CD101: variants seen among roughly 807,000 people sequenced by gnomAD.
CD101 encodes the protein CD101 molecule, also known as immunoglobulin superfamily member 2.
CD101 carries 76 observed loss-of-function variants against 98.2 expected under a neutral mutation model. The ratio of observed to expected loss-of-function variants is 0.77; its 90% CI spans 0.64 to 0.94. CD101 has a LOEUF of 0.94. CD101 is among the 40% of genes least tolerant of loss of function. CD101 has a pLI of 0.00. For synonymous variants in CD101, 471 were observed against 472.7 expected (o/e 1.00, Z 0.05); for missense variants, 1,145 against 1,218.8 (o/e 0.94, Z 0.90).
chr1:117,029,149 AAG>A (rs1654166396), intron 8 of CD101, among the ~76,000 whole-genome samples: 3 of 99,362 alleles, frequency 3.0e-5, no homozygotes, highest in African/African-American at 8.9e-5. Flanking sequence ...GAAAGAAAGA[AAG>A]AAAGAAAGAA....
chr1:117,013,281 A>T, intron 3 of CD101, 125 bp from the exon 4 acceptor site: 1 of 1,192,264 alleles, frequency 8.4e-7, no homozygotes, highest in Non-Finnish European at 1.2e-6. Context: ...CTACCGCTAT[A>T]GAATTGAACT....
In CD101 at chr1:117,025,751, G is replaced by T. The variant is rs1162423411; in HGVS notation, c.2671G>T (p.Asp891Tyr). ...HLHCYRSSST[D>Y]FVLKLHQVEM... The stretch of plus-strand genomic sequence containing the variant: ...GCACTGTTACCGTTCATCCTCTACA[G>T]ACTTTGTCCTGAAGCTTCATCAGGT... The change falls in exon 8 of 10, where the codon GAC (aspartate) becomes TAC (tyrosine). Residue 891 changes from aspartate (D) to tyrosine (Y), a missense_variant. By Grantham distance (160) the Asp-to-Tyr change is radical. Coordinates refer to ENST00000682167, the MANE Select transcript of CD101 (RefSeq NM_001256106.3). The T allele has an allele frequency of 6.2e-7, 1 of 1,614,200 alleles. No individual in the cohort carries two copies. The highest frequency in any genetic ancestry group is 8.5e-7 in the Non-Finnish European group (1 of 1,180,030).
chr1:117,030,944 A>G (rs533154236), intron 8 of CD101, among the ~76,000 whole-genome samples: 17 of 152,188 alleles, frequency 1.1e-4, no homozygotes, highest in Admixed American at 2.6e-4. Context: ...AAGCCTCATG[A>G]TGAAGTGCTC....
At position 117,033,791 on chromosome 1, in the gene CD101, A is replaced by T; in HGVS notation, c.2825-69A>T. The T allele has an allele frequency of 6.3e-7, 1 of 1,594,278 alleles. No individual in the cohort carries two copies. The highest frequency in any genetic ancestry group is 8.6e-7 in the Non-Finnish European group (1 of 1,167,286). ...CTTGCCTATAACAATAAATCCCAGG[A>T]GTGTTTGTAATTGACTAGTACAAAT... On this transcript the variant is annotated intron_variant, in intron 8 of 9. Coordinates refer to ENST00000682167, the MANE Select transcript of CD101 (RefSeq NM_001256106.3). The surrounding 1 kb of genome is among the most constrained non-coding windows in gnomAD (Gnocchi z 4.8).
At chr1:117,013,820 T>C (rs760622664) in intron 4 of CD101, 28 bp downstream of exon 4, 3 of 1,576,500 alleles carry the variant, frequency 1.9e-6, no homozygotes, top group Non-Finnish European at 2.6e-6. Flanking sequence ...CAGGCATGCA[T>C]TGGGCTGCTT....
rs1377037917 is a variant in CD101 at position 117,005,212 on chromosome 1, A to G, written c.43+3352A>G. On this transcript the variant is annotated intron_variant, in intron 1 of 9. Coordinates refer to ENST00000682167, the MANE Select transcript of CD101 (RefSeq NM_001256106.3). This position sits in a 1 kb window ranked among gnomAD's most constrained non-coding sequence, Gnocchi z 4.4. ...CTCCCTGTCATCCCTCTACTAGGACATTACTTCATTCATCCTCCTTGCTGG... is the reference window on the plus strand; with the variant it reads ...CTCCCTGTCATCCCTCTACTAGGACGTTACTTCATTCATCCTCCTTGCTGG... 6.6e-6 allele frequency among the ~76,000 whole-genome samples: 1 copy of G among 152,040 alleles called. No homozygotes were observed. Among genetic ancestry groups the G allele is most frequent in the Non-Finnish European group, 1.5e-5 (1 of 68,002 alleles).
At chr1:117,011,205 A>C (rs904844612) in intron 2 of CD101, among the ~76,000 whole-genome samples, 33 of 152,168 alleles carry the variant, frequency 2.2e-4, no homozygotes, top group African/African-American at 7.5e-4. Context: ...CGTAGTAGGG[A>C]TGGATTTAGG....
At chr1:117,026,082 A>G (rs1187903475) in intron 8 of CD101, 178 bp downstream of exon 8, 15 of 615,872 alleles carry the variant, frequency 2.4e-5, no homozygotes, top group African/African-American at 9.2e-5. Context: ...ACTCATTTGA[A>G]CAAACAAGGT....
intron 8 of CD101, chr1:117,032,326 C>G (rs1039880963): frequency 6.6e-6 from 1 of 152,160 alleles, no homozygotes; most frequent in Non-Finnish European, 1.5e-5. Context: ...TCATCAGGCT[C>G]CATTGAGACC....
chr1:117,018,251 G>C lies in CD101; in HGVS notation c.1708G>C (p.Asp570His), dbSNP rs766789223. 1.9e-6 allele frequency: 3 copies of C among 1,614,208 alleles called. No homozygotes were observed. The Admixed American group carries it at 5.0e-5, about 27-fold the overall frequency. The change falls in exon 6 of 10, where the codon GAC becomes CAC. Residue 570 changes from aspartate (D) to histidine (H), a missense_variant. Coordinates refer to ENST00000682167, the MANE Select transcript of CD101 (RefSeq NM_001256106.3). This position sits in a 1 kb window ranked among gnomAD's most constrained non-coding sequence, Gnocchi z 4.3. ...LSCVVRAGYS[D>H]LKVPLTVTWQ... ...CTGTGTCGTGAGGGCCGGTTACTCT[G>C]ACCTCAAGGTGCCACTCACTGTGAC...
intron 8 of CD101, among the ~76,000 whole-genome samples, chr1:117,030,482 G>A (rs1273026876): frequency 6.6e-6 from 1 of 151,964 alleles, no homozygotes; most frequent in Non-Finnish European, 1.5e-5. Context: ...GAGAGAGAAA[G>A]AGAAAGAGAG....
At position 117,029,204 on chromosome 1, in the gene CD101, AAAAGAAAGAAAAG is replaced by A. The variant is rs1654209943; in HGVS notation, c.2824+3312_2824+3324del. On this transcript the variant is annotated intron_variant, in intron 8 of 9. Transcript: ENST00000682167. ...GAAAGAAAGAAAGAAAGAAAGAAAG[AAAAGAAAGAAAAG>A]AAAGAAAGAAAGAAAGAAAGAAAGA... Among the ~76,000 whole-genome samples, 16 of 58,868 alleles carry A rather than the reference AAAAGAAAGAAAAG, an allele frequency of 2.7e-4. 1 individual carries two copies. The highest frequency in any genetic ancestry group is 2.5e-3 in the East Asian group (6 of 2,444). 38.6% of individuals were successfully genotyped at this position (58,868 alleles called of 152,430 possible). A position where few individuals can be genotyped will look rare whatever the true frequency, so the allele number is the denominator to read the frequency against.
At position 117,012,573 on chromosome 1, in the gene CD101, T is replaced by C. The variant is rs564261567; in HGVS notation, c.841+607T>C. Among the ~76,000 whole-genome samples, 1 of 152,222 alleles carries C rather than the reference T, an allele frequency of 6.6e-6. No homozygotes were observed. Among genetic ancestry groups the C allele is most frequent in the Non-Finnish European group, 1.5e-5 (1 of 68,040 alleles). The stretch of plus-strand genomic sequence containing the variant: ...TGACTTTGCTTTTTTATTATTTTTT[T>C]AATTTTTAAATTTTTTTAAGGACAG... On this transcript the variant is annotated intron_variant, in intron 3 of 9. Transcript: ENST00000682167. The surrounding 1 kb of genome is among the most constrained non-coding windows in gnomAD (Gnocchi z 4.0).
At chr1:117,013,904 C>A in intron 4 of CD101, 112 bp downstream of exon 4, 1 of 1,237,116 alleles carries the variant, frequency 8.1e-7, no homozygotes, top group Non-Finnish European at 1.1e-6. Context: ...AGGTTTCAAT[C>A]AGATCACATT....
In CD101 at chr1:117,012,197, C is replaced by G. The variant is rs187457172; in HGVS notation, c.841+231C>G. Among the ~76,000 whole-genome samples, 175 of 152,324 alleles carry G rather than the reference C, an allele frequency of 1.1e-3. 1 individual carries two copies. Among genetic ancestry groups the G allele is most frequent in the African/African-American group, 4.0e-3 (167 of 41,568 alleles). On this transcript the variant is annotated intron_variant, in intron 3 of 9. Coordinates refer to ENST00000682167, the MANE Select transcript of CD101 (RefSeq NM_001256106.3). This position sits in a 1 kb window ranked among gnomAD's most constrained non-coding sequence, Gnocchi z 4.0. ...GATAAGGTCTACTGAGTGGCTAGAT[C>G]GATTCCACAAGCCAGTCATGGAAGT...
At chr1:117,003,501 GGT>G (rs1269241419) in intron 1 of CD101, among the ~76,000 whole-genome samples, 1 of 152,042 alleles carries the variant, frequency 6.6e-6, no homozygotes, top group East Asian at 1.9e-4. Context: ...TTTGGGGGCT[GGT>G]GTGTTTTTGT....
chr1:117,013,585 T>G lies in CD101; in HGVS notation c.1021T>G (p.Tyr341Asp). 6.2e-7 allele frequency: 1 copy of G among 1,614,194 alleles called. No homozygotes were observed. The highest frequency in any genetic ancestry group is 8.5e-7 in the Non-Finnish European group (1 of 1,180,022). Residue 341 changes from tyrosine to aspartate, a missense_variant, in exon 4 of 10, where the codon TAC (tyrosine) becomes GAC (aspartate). Transcript: ENST00000682167. ...AGGVLGLKND[Y>D]KERASQGELQ... ...TGGAGTCCTGGGCCTGAAGAATGACTACAAAGAGAGAGCAAGTCAAGGAGA... is the reference window on the plus strand; with the variant it reads ...TGGAGTCCTGGGCCTGAAGAATGACGACAAAGAGAGAGCAAGTCAAGGAGA...
Position 117,010,968 on chromosome 1 carries a change from T to C in CD101, c.425-582T>C, listed in dbSNP as rs1167923105. Among the ~76,000 whole-genome samples the C allele has an allele frequency of 6.6e-6, 1 of 152,220 alleles. No individual in the cohort carries two copies. The highest frequency in any genetic ancestry group is 6.5e-5 in the Admixed American group (1 of 15,284). On this transcript the variant is annotated intron_variant, in intron 2 of 9. Coordinates refer to ENST00000682167, the MANE Select transcript of CD101 (RefSeq NM_001256106.3). This position sits in a 1 kb window ranked among gnomAD's most constrained non-coding sequence, Gnocchi z 5.2. ...CCGAGTAGACGCTCAGTCACATTCA[T>C]TGATTAAATCTAAGTGTTGCTTTCA...
chr1:117,035,007 CCTGCAGGG>C (rs1214533368), intron 9 of CD101, among the ~76,000 whole-genome samples: 4 of 152,160 alleles, frequency 2.6e-5, no homozygotes, highest in Admixed American at 2.6e-4. Context: ...CCCTCATACG[CCTGCAGGG>C]CTGGGGTTTG....
Sources: allele counts gnomAD v4.1 joint callset (sites outside exome capture counted in the v4.1 genomes callset), GRCh38; gene constraint gnomAD v4.1.1; non-coding constraint Gnocchi (gnomAD v3.1); transcripts MANE v1.5; gene names NCBI Gene and HGNC (gene_info 2026-07-23, HGNC 2026-07-21).